Variants in KNOP1 observed in about 807,000 individuals in gnomAD.
The protein encoded by KNOP1 is lysine rich nucleolar protein 1.
In KNOP1, 20 loss-of-function variants were observed where a neutral mutation model predicts 30.6. The ratio of observed to expected loss-of-function variants is 0.65; its 90% CI spans 0.46 to 0.95. The LOEUF (loss-of-function observed/expected upper bound fraction) is 0.95. KNOP1 is among the 40% of genes least tolerant of loss of function. The pLI, the probability that KNOP1 is intolerant of heterozygous loss-of-function variation, is 0.00. For synonymous variants in KNOP1, 204 were observed against 210.0 expected, an observed-to-expected ratio of 0.97 and a Z score of 0.25; for missense variants, 540 against 562.0, an observed-to-expected ratio of 0.96 and a Z score of 0.40.
At chr16:19,717,967 A>G (rs1597485344) in intron 1 of KNOP1, 191 bp downstream of exon 1, 1 of 1,259,548 alleles carries the variant, frequency 7.9e-7, no homozygotes, top group Non-Finnish European at 1.0e-6. Context: ...GTGGGGTCCC[A>G]GGGCCGGCTC....
At position 19,705,216 on chromosome 16, in the gene KNOP1, T is replaced by C. The variant is rs1484846718; in HGVS notation, c.*1694A>G. 2 of 456,060 alleles carry C rather than the reference T, an allele frequency of 4.4e-6. No homozygotes were observed. The highest frequency in any genetic ancestry group is 3.1e-5 in the South Asian group (2 of 64,554). 28.3% of individuals were successfully genotyped at this position (456,060 alleles called of 1,614,324 possible). A position where few individuals can be genotyped will look rare whatever the true frequency, so the allele number is the denominator to read the frequency against. On this transcript the variant is annotated 3_prime_UTR_variant, in exon 5 of 5. Coordinates refer to ENST00000219837, the MANE Select transcript of KNOP1 (RefSeq NM_001012991.3). ...GAGAGAATGCTTCCTTGGCGAGCTG[T>C]TGAACCAGGCCCTAATCAGGCCTTC...
chr16:19,702,289 G>C lies in KNOP1; in HGVS notation c.*4621C>G, dbSNP rs1457379827. On this transcript the variant is annotated 3_prime_UTR_variant, in exon 5 of 5. Coordinates refer to ENST00000219837, the MANE Select transcript of KNOP1 (RefSeq NM_001012991.3). ...AAGCCACCGCACCTGGCCCACAGAA[G>C]TATTTTCATTAAAATTATTTTATCT... is the stretch of plus-strand genomic sequence containing the variant. 1.3e-5 allele frequency: 2 copies of C among 152,172 alleles called. No homozygotes were observed. The highest frequency in any genetic ancestry group is 4.8e-5 in the African/African-American group (2 of 41,444). The allele number at this position is 152,172 out of a possible 1,614,324, so 9.4% of individuals were successfully genotyped here.
intron 4 of KNOP1, among the ~76,000 whole-genome samples, chr16:19,709,345 C>T (rs1976585387): frequency 6.6e-6 from 1 of 152,232 alleles, no homozygotes; most frequent in South Asian, 2.1e-4. Flanking sequence ...CCTTTCTTCT[C>T]GTCTCCCCAA....
intron 1 of KNOP1, among the ~76,000 whole-genome samples, chr16:19,716,082 A>G (rs527734878): frequency 4.6e-5 from 7 of 152,350 alleles, no homozygotes; most frequent in East Asian, 1.9e-4. Flanking sequence ...TCAAAGAGCC[A>G]GGCCTGAGCT....
intron 4 of KNOP1, among the ~76,000 whole-genome samples, chr16:19,708,440 T>C (rs1470444830): frequency 6.6e-6 from 1 of 150,776 alleles, no homozygotes; most frequent in Admixed American, 6.6e-5. Flanking sequence ...TCAAGTCCCC[T>C]AACCTCTCTA....
chr16:19,708,639 T>G (rs966941222), intron 4 of KNOP1, among the ~76,000 whole-genome samples: 1 of 151,976 alleles, frequency 6.6e-6, no homozygotes, highest in Non-Finnish European at 1.5e-5. Flanking sequence ...CCTGGGAACT[T>G]CCCGCCCACA....
intron 3 of KNOP1, among the ~76,000 whole-genome samples, chr16:19,710,887 G>A (rs1224997495): frequency 6.9e-6 from 1 of 145,808 alleles, no homozygotes; most frequent in Non-Finnish European, 1.5e-5. Flanking sequence ...ACTCCAGCCT[G>A]GGGGACAGAG....
intron 4 of KNOP1, 96 bp downstream of exon 4, chr16:19,710,412 CT>C: frequency 8.1e-7 from 1 of 1,232,004 alleles, no homozygotes; most frequent in East Asian, 2.3e-5. Flanking sequence ...CCTGGACATA[CT>C]TGGTTCTCCT....
intron 1 of KNOP1, 169 bp from the exon 2 acceptor site, chr16:19,715,206 G>A (rs964037961): frequency 2.2e-5 from 11 of 508,634 alleles, no homozygotes; most frequent in African/African-American, 7.9e-5. Context: ...CAGAAACAGC[G>A]TAAATTTTAA....
Position 19,704,006 on chromosome 16 carries a change from C to T in KNOP1, c.*2904G>A, listed in dbSNP as rs1976262599. On this transcript the variant is annotated 3_prime_UTR_variant, in exon 5 of 5. Coordinates refer to ENST00000219837, the MANE Select transcript of KNOP1 (RefSeq NM_001012991.3). Reference sequence around the variant, plus strand: ...CCTGACCATCACACCCTCATGAGAGCTACCAGTCACCAGGGCTTGGATGGG... The same window carrying T: ...CCTGACCATCACACCCTCATGAGAGTTACCAGTCACCAGGGCTTGGATGGG... The T allele has an allele frequency of 6.6e-6, 1 of 152,288 alleles. No individual in the cohort carries two copies. The highest frequency in any genetic ancestry group is 1.5e-5 in the Non-Finnish European group (1 of 68,122). 9.4% of individuals were successfully genotyped at this position (152,288 alleles called of 1,614,324 possible).
At chr16:19,712,692 G>C (rs1236674700) in intron 2 of KNOP1, among the ~76,000 whole-genome samples, 2 of 152,192 alleles carry the variant, frequency 1.3e-5, no homozygotes, top group Non-Finnish European at 2.9e-5. Context: ...AAAGCAGTCT[G>C]GGCATACAGT....
chr16:19,706,894 G>C lies in KNOP1; in HGVS notation c.*16C>G. 6.2e-7 allele frequency: 1 copy of C among 1,609,134 alleles called. No individual in the cohort carries two copies. The highest frequency in any genetic ancestry group is 2.2e-5 in the East Asian group (1 of 44,866). Reference sequence around the variant, plus strand: ...AAAGCAATTGTGGCAGTTTTGGGGGGACAAAACTCTAGAGTTTAATCTTCC... The same window carrying C: ...AAAGCAATTGTGGCAGTTTTGGGGGCACAAAACTCTAGAGTTTAATCTTCC... On this transcript the variant is annotated 3_prime_UTR_variant, in exon 5 of 5. Coordinates refer to ENST00000219837, the MANE Select transcript of KNOP1 (RefSeq NM_001012991.3).
At chr16:19,718,053 G>C in intron 1 of KNOP1, 105 bp downstream of exon 1, 1 of 1,407,488 alleles carries the variant, frequency 7.1e-7, no homozygotes, top group Non-Finnish European at 9.2e-7. Flanking sequence ...GTCGGATTCA[G>C]GGATGTGGGT....
intron 4 of KNOP1, among the ~76,000 whole-genome samples, chr16:19,707,804 T>A (rs1162414744): frequency 1.5e-5 from 1 of 68,136 alleles, no homozygotes; most frequent in Non-Finnish European, 2.8e-5. Context: ...CACAGCACAC[T>A]CTCCCCCTAC....
chr16:19,711,108 C>A (rs1435475496), intron 3 of KNOP1, among the ~76,000 whole-genome samples: 1 of 152,226 alleles, frequency 6.6e-6, no homozygotes, highest in Non-Finnish European at 1.5e-5. Flanking sequence ...GGGACATGTC[C>A]CCCACATCCT....
intron 1 of KNOP1, chr16:19,717,815 C>T (rs1216249098): frequency 2.0e-6 from 2 of 1,003,036 alleles, no homozygotes; most frequent in African/African-American, 1.7e-5. Context: ...ATTCCGCCCA[C>T]AGGACTCCAA....
chr16:19,715,135 C>A, intron 1 of KNOP1, 98 bp from the exon 2 acceptor site: 1 of 841,694 alleles, frequency 1.2e-6, no homozygotes. Context: ...AGTGGGTGGT[C>A]AAAGCGTTGT....
chr16:19,718,166 GA>G lies in KNOP1; in HGVS notation c.-12del. 2.7e-6 allele frequency: 4 copies of G among 1,477,440 alleles called. No individual in the cohort carries two copies. Among genetic ancestry groups the G allele is most frequent in the Non-Finnish European group, 3.6e-6 (4 of 1,118,692 alleles). The allele number at this position is 1,477,440 out of a possible 1,614,324, so 91.5% of individuals were successfully genotyped here. On this transcript the variant is annotated 5_prime_UTR_variant, in exon 1 of 5. Coordinates refer to ENST00000219837, the MANE Select transcript of KNOP1 (RefSeq NM_001012991.3). ...CGCGCCCTGGCACTCACCGGTGGGC[GA>G]AATTTCCCCGCCTCCACGTGAGAGC...
rs1976377018 is a variant in KNOP1, at chr16:19,706,847, C to T, written c.*63G>A. The stretch of plus-strand genomic sequence containing the variant: ...TTTTTTCACAAAAAAAATTTGTAAT[C>T]TCCAGCATAAATGGAATAATCAAAG... On this transcript the variant is annotated 3_prime_UTR_variant, in exon 5 of 5. Coordinates refer to ENST00000219837, the MANE Select transcript of KNOP1 (RefSeq NM_001012991.3). The T allele has an allele frequency of 6.4e-7, 1 of 1,551,760 alleles. No individual in the cohort carries two copies. The highest frequency in any genetic ancestry group is 2.1e-5 in the Admixed American group (1 of 47,832).
Sources: allele counts gnomAD v4.1 joint callset (sites outside exome capture counted in the v4.1 genomes callset), GRCh38; gene constraint gnomAD v4.1.1; transcripts MANE v1.5; gene names NCBI Gene and HGNC (gene_info 2026-07-23, HGNC 2026-07-21).